SORCS3: variants seen among roughly 807,000 people sequenced by gnomAD.
SORCS3 encodes VPS10 domain-containing receptor SorCS3.
In SORCS3, 57 loss-of-function variants were observed where a neutral mutation model predicts 146.3. The observed-to-expected ratio is 0.39, with a 90% CI of 0.31 to 0.49. SORCS3 has a LOEUF of 0.49. Ranked by LOEUF, SORCS3 falls within the 20% of genes least tolerant of loss-of-function variation. The pLI, the probability that SORCS3 is intolerant of heterozygous loss-of-function variation, is 0.92. For missense variants in SORCS3, 1,341 were observed against 1,575.5 expected (o/e 0.85, Z 2.52); for synonymous variants, 653 against 618.5 (o/e 1.06, Z -0.83).
At chr10:104,708,938 C>T (rs1052620032) in intron 1 of SORCS3, among the ~76,000 whole-genome samples, 11 of 152,186 alleles carry the variant, frequency 7.2e-5, no homozygotes, top group Admixed American at 1.3e-4. Flanking sequence ...GGCAAGAGGG[C>T]TGCGCCTGCT....
At chr10:105,115,758 T>TG (rs2055889902) in intron 7 of SORCS3, among the ~76,000 whole-genome samples, 1 of 152,090 alleles carries the variant, frequency 6.6e-6, no homozygotes, top group African/African-American at 2.4e-5. Flanking sequence ...ACTATCTTTC[T>TG]GAAAAAAACC....
At chr10:105,164,433 ATC>A in intron 12 of SORCS3, 54 bp downstream of exon 12, 3 of 1,172,360 alleles carry the variant, frequency 2.6e-6, no homozygotes, top group Admixed American at 1.7e-5. Flanking sequence ...AGTTCTACCA[ATC>A]TCTCTCTCCA....
intron 1 of SORCS3, among the ~76,000 whole-genome samples, chr10:104,841,046 A>G (rs2496012): frequency 0.25 from 37,569 of 152,004 alleles, 5,495 homozygotes; most frequent in African/African-American, 0.41. Context: ...AAGAACTTTG[A>G]GGTGTGTGTG....
At chr10:105,111,426 GCTGAA>G (rs1233330580) in intron 7 of SORCS3, among the ~76,000 whole-genome samples, 2 of 152,168 alleles carry the variant, frequency 1.3e-5, no homozygotes, top group African/African-American at 2.4e-5. Context: ...ATAAATGTTT[GCTGAA>G]CTGAACTGAA....
chr10:105,203,608 C>A (rs982893058), intron 16 of SORCS3, among the ~76,000 whole-genome samples: 1 of 152,088 alleles, frequency 6.6e-6, no homozygotes, highest in African/African-American at 2.4e-5. Context: ...TCAGTAATTC[C>A]ATTAACATTT....
chr10:104,887,968 G>A lies in SORCS3; in HGVS notation c.696-27865G>A, dbSNP rs1248318094. Among the ~76,000 whole-genome samples, 3 of 120,112 alleles carry A rather than the reference G, an allele frequency of 2.5e-5. 1 individual carries two copies. Among genetic ancestry groups the A allele is most frequent in the Non-Finnish European group, 1.7e-5 (1 of 58,324 alleles). 78.8% of individuals were successfully genotyped at this position (120,112 alleles called of 152,430 possible). ...AGCAACATGGTGGGGGCGGGGGGGC[G>A]GGGGCGGAGCAAGCCCATGAAGACA... On this transcript the variant is annotated intron_variant, in intron 2 of 26. Transcript: ENST00000369701.
chr10:104,728,651 C>A (rs947784291), intron 1 of SORCS3, among the ~76,000 whole-genome samples: 1 of 152,154 alleles, frequency 6.6e-6, no homozygotes, highest in African/African-American at 2.4e-5. Context: ...TTACACTTGA[C>A]CTATCAGAAA....
chr10:105,122,852 G>A (rs2055944407), intron 7 of SORCS3, among the ~76,000 whole-genome samples: 1 of 152,186 alleles, frequency 6.6e-6, no homozygotes, highest in Non-Finnish European at 1.5e-5. Context: ...GGACCATTCA[G>A]TGCCCCAAGG....
intron 1 of SORCS3, among the ~76,000 whole-genome samples, chr10:104,750,456 T>TA (rs2016970884): frequency 6.6e-6 from 1 of 152,190 alleles, no homozygotes; most frequent in African/African-American, 2.4e-5. Flanking sequence ...GGTTGAAAGT[T>TA]AACCTGAAGA....
chr10:105,260,193 C>T (rs1327571841), intron 25 of SORCS3, among the ~76,000 whole-genome samples: 1 of 152,108 alleles, frequency 6.6e-6, no homozygotes, highest in African/African-American at 2.4e-5. Flanking sequence ...TCCAAATCCT[C>T]ATAGGTATTG....
intron 4 of SORCS3, among the ~76,000 whole-genome samples, chr10:105,041,062 AATAT>A (rs2055334677): frequency 8.1e-6 from 1 of 124,156 alleles, no homozygotes; most frequent in South Asian, 2.2e-4. Context: ...GAAATATATA[AATAT>A]ATATGTATGT....
chr10:105,020,805 T>G (rs1421955138), intron 4 of SORCS3, among the ~76,000 whole-genome samples: 1 of 152,230 alleles, frequency 6.6e-6, no homozygotes, highest in Non-Finnish European at 1.5e-5. Context: ...CCATTGTTTA[T>G]GAAGGACTTT....
At chr10:104,684,807 TTTTTTTTTTTTTTTTTTTTTTTTTTTA>T (rs1462232464) in intron 1 of SORCS3, among the ~76,000 whole-genome samples, 37 of 56,750 alleles carry the variant, frequency 6.5e-4, no homozygotes, top group Admixed American at 1.4e-3. Flanking sequence ...TTTTTTTTTT[TTTTTTTTTTTTTTTTTTTTTTTTTTTA>T]TGAGACACAG....
chr10:104,924,661 G>T (rs57185011), intron 3 of SORCS3, among the ~76,000 whole-genome samples: 1 of 152,136 alleles, frequency 6.6e-6, no homozygotes, highest in Non-Finnish European at 1.5e-5. Context: ...AAAGAATCAG[G>T]ATTTCTGTTT....
At chr10:104,725,250 C>T (rs1161985921) in intron 1 of SORCS3, among the ~76,000 whole-genome samples, 1 of 152,208 alleles carries the variant, frequency 6.6e-6, no homozygotes, top group Non-Finnish European at 1.5e-5. Context: ...ACTCCAGACC[C>T]TGTTTGCCTG....
intron 1 of SORCS3, among the ~76,000 whole-genome samples, chr10:104,826,453 T>C (rs1336433686): frequency 1.3e-5 from 2 of 152,196 alleles, no homozygotes; most frequent in Admixed American, 1.3e-4. Context: ...ATAAAGCAAG[T>C]CACACAAGTT....
At chr10:105,247,120 C>G in intron 21 of SORCS3, 99 bp from the exon 22 acceptor site, 1 of 535,954 alleles carries the variant, frequency 1.9e-6, no homozygotes, top group Non-Finnish European at 3.3e-6. Context: ...AAAGAGTAGA[C>G]CTTTTACCAA....
chr10:104,778,734 C>T (rs1364102098), intron 1 of SORCS3, among the ~76,000 whole-genome samples: 1 of 152,172 alleles, frequency 6.6e-6, no homozygotes, highest in Non-Finnish European at 1.5e-5. Context: ...AGCTTCACAG[C>T]AACCTTGTTT....
chr10:104,710,481 A>G (rs1589467454), intron 1 of SORCS3, among the ~76,000 whole-genome samples: 1 of 152,364 alleles, frequency 6.6e-6, no homozygotes, highest in Non-Finnish European at 1.5e-5. Context: ...ACTAATGAAC[A>G]AATGCAATGT....
Sources: gnomAD v4.1 joint callset for allele counts (sites outside exome capture counted in the v4.1 genomes callset) on GRCh38, gnomAD v4.1.1 for gene constraint, MANE v1.5 for transcripts, NCBI Gene and HGNC (gene_info 2026-07-23, HGNC 2026-07-21) for gene names.